The following BMERB1 variants were observed in gnomAD, a reference collection of about 807,000 sequenced individuals.
BMERB1 encodes the protein bMERB domain containing 1.
In BMERB1, 12 loss-of-function variants were observed where a neutral mutation model predicts 23.6. The observed-to-expected ratio is 0.51, with a 90% CI of 0.33 to 0.82. The LOEUF (loss-of-function observed/expected upper bound fraction) is 0.82, where lower values mean the gene tolerates loss of function less well. Among genes scored for constraint, BMERB1 ranks in the 40% least tolerant of loss-of-function variants. The pLI is 0.03. For synonymous variants in BMERB1, 122 were observed against 96.6 expected (o/e 1.26, Z -1.54); for missense variants, 247 against 255.4 (o/e 0.97, Z 0.22).
chr16:15,542,879 GGGCTCT>G (rs1022185777), intron 2 of BMERB1, among the ~76,000 whole-genome samples: 1 of 152,010 alleles, frequency 6.6e-6, no homozygotes, highest in Non-Finnish European at 1.5e-5. Context: ...GAGTGCTTTT[GGGCTCT>G]GGTCCCATGG....
At chr16:15,532,126 C>T (rs2051973582) in intron 2 of BMERB1, among the ~76,000 whole-genome samples, 1 of 152,190 alleles carries the variant, frequency 6.6e-6, no homozygotes, top group South Asian at 2.1e-4. Flanking sequence ...TGTGTCTGTC[C>T]TCAGTCCCCT....
chr16:15,549,348 C>CAAA (rs11367653), intron 2 of BMERB1, among the ~76,000 whole-genome samples: 2 of 93,904 alleles, frequency 2.1e-5, no homozygotes, highest in Admixed American at 1.1e-4. Flanking sequence ...GATTCTATCT[C>CAAA]AAAAAAAAAA....
intron 1 of BMERB1, among the ~76,000 whole-genome samples, chr16:15,466,174 G>A (rs2051178474): frequency 6.6e-6 from 1 of 152,152 alleles, no homozygotes; most frequent in South Asian, 2.1e-4. Context: ...ATCCAACTGT[G>A]ACTCTATAAA....
chr16:15,488,410 A>T (rs2051386019), intron 1 of BMERB1, among the ~76,000 whole-genome samples: 5 of 152,168 alleles, frequency 3.3e-5, no homozygotes, highest in African/African-American at 1.2e-4. Context: ...TTTAGGAGAC[A>T]GTGCATTAGC....
rs185787051 is a variant in BMERB1, at chr16:15,482,958, G to T, written c.107-32347G>T. On this transcript the variant is annotated intron_variant, in intron 1 of 5. Transcript: ENST00000300006. Reference sequence around the variant, plus strand: ...AAACTGAGTCTATACACACACACACGCGCGTAAAACACATAGAAAAAAATC... The same window carrying T: ...AAACTGAGTCTATACACACACACACTCGCGTAAAACACATAGAAAAAAATC... Among the ~76,000 whole-genome samples the T allele has an allele frequency of 1.6e-3, 249 of 152,024 alleles. 1 individual carries two copies. The highest frequency in any genetic ancestry group is 2.9e-3 in the Non-Finnish European group (196 of 67,962).
chr16:15,560,524 G>T (rs2030386935), intron 2 of BMERB1, among the ~76,000 whole-genome samples: 1 of 152,210 alleles, frequency 6.6e-6, no homozygotes, highest in Non-Finnish European at 1.5e-5. Context: ...AGGCATAGTG[G>T]CTCATGCCTG....
chr16:15,563,330 C>T (rs902041386), intron 2 of BMERB1, among the ~76,000 whole-genome samples: 21 of 152,120 alleles, frequency 1.4e-4, no homozygotes, highest in African/African-American at 4.6e-4. Flanking sequence ...ACACATTCTC[C>T]TGCCTCAGCC....
At chr16:15,523,966 T>C (rs1450374964) in intron 2 of BMERB1, among the ~76,000 whole-genome samples, 1 of 152,186 alleles carries the variant, frequency 6.6e-6, no homozygotes, top group Non-Finnish European at 1.5e-5. Context: ...AACCATTAAG[T>C]GCAACTCTAC....
intron 2 of BMERB1, among the ~76,000 whole-genome samples, chr16:15,527,208 C>A (rs931100893): frequency 2.6e-5 from 4 of 152,118 alleles, no homozygotes. Flanking sequence ...AACTGAAACT[C>A]TGTACCATTC....
intron 2 of BMERB1, among the ~76,000 whole-genome samples, chr16:15,564,064 C>G (rs2030500617): frequency 6.6e-6 from 1 of 152,232 alleles, no homozygotes; most frequent in African/African-American, 2.4e-5. Flanking sequence ...CTTCTGCACA[C>G]ATGAGCTCCC....
At chr16:15,501,097 TAAATA>T (rs2051524655) in intron 1 of BMERB1, among the ~76,000 whole-genome samples, 1 of 152,206 alleles carries the variant, frequency 6.6e-6, no homozygotes, top group African/African-American at 2.4e-5. Context: ...TCTATTGGAT[TAAATA>T]AAATATGTTA....
Position 15,444,123 on chromosome 16 carries a change from GTTTTTTTTTTTTTT to G in BMERB1, c.106+9378_106+9391del, listed in dbSNP as rs150793082. ...AGGCCAGGGTCCAGGCACCAGCTTT[GTTTTTTTTTTTTTT>G]TTTTTTTTTTTTTGGCTGTTTCTTT... On this transcript the variant is annotated intron_variant, in intron 1 of 5. Coordinates refer to ENST00000300006, the MANE Select transcript of BMERB1 (RefSeq NM_033201.3). Among the ~76,000 whole-genome samples, 26 of 35,610 alleles carry G rather than the reference GTTTTTTTTTTTTTT, an allele frequency of 7.3e-4. 1 individual carries two copies. The highest frequency in any genetic ancestry group is 1.9e-3 in the African/African-American group (15 of 7,740). 23.4% of individuals were successfully genotyped at this position (35,610 alleles called of 152,430 possible). A position where few individuals can be genotyped will look rare whatever the true frequency, so the allele number is the denominator to read the frequency against.
intron 1 of BMERB1, among the ~76,000 whole-genome samples, chr16:15,488,902 CAAAAAA>C (rs769821665): frequency 8.7e-5 from 5 of 57,756 alleles, no homozygotes; most frequent in Admixed American, 1.9e-4. Context: ...ACTGCATATG[CAAAAAA>C]AAAAAAAAAA....
chr16:15,499,918 GAAA>G (rs2051511616), intron 1 of BMERB1, among the ~76,000 whole-genome samples: 1 of 152,156 alleles, frequency 6.6e-6, no homozygotes, highest in Non-Finnish European at 1.5e-5. Context: ...GAGGGTACAG[GAAA>G]ATCCCAGCTG....
chr16:15,562,988 T>G (rs987389715), intron 2 of BMERB1, among the ~76,000 whole-genome samples: 1 of 152,174 alleles, frequency 6.6e-6, no homozygotes, highest in African/African-American at 2.4e-5. Flanking sequence ...ACAGCATGAG[T>G]TGTTCTTGAG....
rs367850771 is a variant in BMERB1, at chr16:15,466,740, A to G, written c.106+31981A>G. ...TGTGTCTGTGTGTGTGTGTGTGTGT[A>G]TTTAGTTCTATACAATTTTATCATA... On this transcript the variant is annotated intron_variant, in intron 1 of 5. Coordinates refer to ENST00000300006, the MANE Select transcript of BMERB1 (RefSeq NM_033201.3). Among the ~76,000 whole-genome samples the G allele has an allele frequency of 3.7e-4, 52 of 139,510 alleles. 2 individuals carry two copies. The highest frequency in any genetic ancestry group is 1.3e-3 in the African/African-American group (51 of 38,376). The allele number at this position is 139,510 out of a possible 152,430, so 91.5% of individuals were successfully genotyped here. A position where few individuals can be genotyped will look rare whatever the true frequency, so the allele number is the denominator to read the frequency against.
Position 15,454,950 on chromosome 16 carries a change from T to C in BMERB1, c.106+20191T>C, listed in dbSNP as rs532853794. 3.5e-4 allele frequency among the ~76,000 whole-genome samples: 53 copies of C among 152,286 alleles called. 1 individual carries two copies. Among genetic ancestry groups the C allele is most frequent in the African/African-American group, 1.0e-3 (43 of 41,570 alleles). On this transcript the variant is annotated intron_variant, in intron 1 of 5. Transcript: ENST00000300006. The stretch of plus-strand genomic sequence containing the variant: ...GAAATTTGGCTATACAGGTAATGAA[T>C]ACTTTGTGAGAAATCACACTCTGTG...
At chr16:15,456,207 T>C (rs1344447445) in intron 1 of BMERB1, among the ~76,000 whole-genome samples, 2 of 152,206 alleles carry the variant, frequency 1.3e-5, no homozygotes, top group African/African-American at 4.8e-5. Flanking sequence ...CAGTGTTTTG[T>C]TGGACATATG....
In BMERB1 at chr16:15,463,574, T is replaced by C. The variant is rs987749493; in HGVS notation, c.106+28815T>C. On this transcript the variant is annotated intron_variant, in intron 1 of 5. Transcript: ENST00000300006. ...TTGCCTCGTCGTTTGACTGCTGAGG[T>C]CTTACTCACACTCTGAGACTGTAGC... Among the ~76,000 whole-genome samples the C allele has an allele frequency of 6.6e-5, 10 of 152,078 alleles. 1 individual carries two copies. Among genetic ancestry groups the C allele is most frequent in the Admixed American group, 2.0e-4 (3 of 15,258 alleles).
Sources: gnomAD v4.1 joint callset for allele counts (sites outside exome capture counted in the v4.1 genomes callset) on GRCh38, gnomAD v4.1.1 for gene constraint, MANE v1.5 for transcripts, NCBI Gene and HGNC (gene_info 2026-07-23, HGNC 2026-07-21) for gene names.